Variants in RBFOX1 observed in about 807,000 individuals in gnomAD.
RBFOX1 encodes RNA binding fox-1 homolog 1, also known as RNA binding protein fox-1 homolog 1.
In RBFOX1, 8 loss-of-function variants were observed where a neutral mutation model predicts 57.7. The ratio of observed to expected loss-of-function variants is 0.14; its 90% confidence interval spans 0.08 to 0.25. The LOEUF is 0.25. Among genes scored for constraint, RBFOX1 ranks in the 10% least tolerant of loss-of-function variants. RBFOX1 has a pLI of 1.00. For missense variants in RBFOX1, 611 were observed against 548.5 expected, an observed-to-expected ratio of 1.11 and a Z score of -1.14; for synonymous variants, 326 against 222.4, an observed-to-expected ratio of 1.47 and a Z score of -4.15.
chr16:7,156,564 C>T (rs530574457), intron 4 of RBFOX1, among the ~76,000 whole-genome samples: 1 of 152,018 alleles, frequency 6.6e-6, no homozygotes, highest in South Asian at 2.1e-4. Flanking sequence ...CATATGTGTA[C>T]ATATGTATGC....
intron 4 of RBFOX1, among the ~76,000 whole-genome samples, chr16:5,945,453 G>C (rs2059382613): frequency 6.6e-6 from 1 of 152,220 alleles, no homozygotes; most frequent in African/African-American, 2.4e-5. Context: ...ATCTAGAGAT[G>C]ATAACATCTA....
intron 1 of RBFOX1, among the ~76,000 whole-genome samples, chr16:6,313,000 G>A (rs1412979090): frequency 2.0e-5 from 3 of 152,146 alleles, no homozygotes; most frequent in African/African-American, 7.2e-5. Context: ...AAGAAAGGGT[G>A]ATGGGCTCTT....
At chr16:5,355,894 C>T (rs1379813992) in intron 1 of RBFOX1, among the ~76,000 whole-genome samples, 1 of 152,108 alleles carries the variant, frequency 6.6e-6, no homozygotes, top group East Asian at 1.9e-4. Context: ...AGTTTGAGAC[C>T]AGCCTGGCCA....
At chr16:6,958,182 C>A (rs1332847675) in intron 3 of RBFOX1, among the ~76,000 whole-genome samples, 1 of 152,158 alleles carries the variant, frequency 6.6e-6, no homozygotes, top group Non-Finnish European at 1.5e-5. Flanking sequence ...GGGAGGGCTG[C>A]AAAAGTTGAG....
intron 2 of RBFOX1, among the ~76,000 whole-genome samples, chr16:6,445,387 G>A (rs1416476451): frequency 2.6e-5 from 4 of 151,916 alleles, no homozygotes; most frequent in Non-Finnish European, 5.9e-5. Context: ...TTGCCTTTAT[G>A]CATCTAAAGC....
intron 4 of RBFOX1, among the ~76,000 whole-genome samples, chr16:5,941,060 T>A (rs1249042360): frequency 6.6e-6 from 1 of 152,140 alleles, no homozygotes; most frequent in Non-Finnish European, 1.5e-5. Context: ...AGATGATGCA[T>A]GCAAATCCTG....
Position 6,380,964 on chromosome 16 carries a change from G to A in RBFOX1, c.-64+63907G>A, listed in dbSNP as rs963772799. Among the ~76,000 whole-genome samples, 54 of 152,090 alleles carry A rather than the reference G, an allele frequency of 3.6e-4. 1 individual carries two copies. The highest frequency in any genetic ancestry group is 3.2e-3 in the Middle Eastern group (1 of 316). ...CATTCTGGTGATTGCTTGTCTTGGC[G>A]AGCATCTTCTTTTTAAAATAATCTT... On this transcript the variant is annotated intron_variant, in intron 2 of 15. Coordinates refer to ENST00000550418, the MANE Select transcript of RBFOX1 (RefSeq NM_018723.4).
intron 2 of RBFOX1, among the ~76,000 whole-genome samples, chr16:5,488,806 GTGA>G (rs747631592): frequency 6.6e-6 from 1 of 150,674 alleles, no homozygotes; most frequent in African/African-American, 2.4e-5. Context: ...AAGATTAACA[GTGA>G]TGATGATGAT....
intron 3 of RBFOX1, among the ~76,000 whole-genome samples, chr16:5,617,029 A>T (rs1378249089): frequency 6.6e-6 from 1 of 151,934 alleles, no homozygotes; most frequent in Non-Finnish European, 1.5e-5. Flanking sequence ...CTAGATCATG[A>T]GTCCCAGCTG....
chr16:6,838,090 TGTG>T (rs1226992926), intron 3 of RBFOX1, among the ~76,000 whole-genome samples: 1 of 152,100 alleles, frequency 6.6e-6, no homozygotes, highest in Non-Finnish European at 1.5e-5. Context: ...ATACATGTGT[TGTG>T]GTGGTTTGCT....
intron 3 of RBFOX1, among the ~76,000 whole-genome samples, chr16:5,834,606 A>G (rs964785636): frequency 9.0e-5 from 13 of 143,650 alleles, no homozygotes; most frequent in African/African-American, 3.3e-4. Context: ...AGATAGATAG[A>G]TAGATAGATA....
intron 3 of RBFOX1, among the ~76,000 whole-genome samples, chr16:5,760,593 T>C (rs917403311): frequency 1.3e-5 from 2 of 152,130 alleles, no homozygotes; most frequent in Admixed American, 1.3e-4. Flanking sequence ...AAAGAAGTAC[T>C]GGTATGGATG....
intron 3 of RBFOX1, among the ~76,000 whole-genome samples, chr16:6,831,613 G>C (rs1387708427): frequency 6.6e-6 from 1 of 152,216 alleles, no homozygotes; most frequent in East Asian, 1.9e-4. Flanking sequence ...AGCCAGGGCT[G>C]TGGGAAGTGT....
rs186192558 is a variant in RBFOX1 at position 7,289,821 on chromosome 16, A to T, written c.28-228326A>T. On this transcript the variant is annotated intron_variant, in intron 4 of 15. Transcript: ENST00000550418. ...GTGCTTGTCTCACTTATAAATAAGG[A>T]TCCAAGACTCAGGAAGTTTTAAATA... 2.1e-3 allele frequency among the ~76,000 whole-genome samples: 320 copies of T among 152,288 alleles called. 2 individuals carry two copies. Among genetic ancestry groups the T allele is most frequent in the Admixed American group, 5.4e-3 (82 of 15,290 alleles).
chr16:7,115,449 G>A (rs1310223734), intron 4 of RBFOX1, among the ~76,000 whole-genome samples: 4 of 152,158 alleles, frequency 2.6e-5, no homozygotes, highest in African/African-American at 9.7e-5. Context: ...CCTCATAGTT[G>A]CTGTGGACTG....
chr16:7,304,915 GGTGT>G (rs59599069), intron 4 of RBFOX1, among the ~76,000 whole-genome samples: 5,906 of 140,512 alleles, frequency 0.042, 182 homozygotes, highest in African/African-American at 0.083. Context: ...TGTGTGGTGT[GGTGT>G]GTGTGTGTGT....
chr16:6,320,579 T>C (rs1382629145), intron 2 of RBFOX1, among the ~76,000 whole-genome samples: 2 of 152,148 alleles, frequency 1.3e-5, no homozygotes, highest in Non-Finnish European at 2.9e-5. Flanking sequence ...GTGAAATGAT[T>C]ACCACAATCA....
At chr16:5,553,318 AT>A (rs148430095) in intron 2 of RBFOX1, among the ~76,000 whole-genome samples, 42,911 of 144,768 alleles carry the variant, frequency 0.3, 6,698 homozygotes, top group Non-Finnish European at 0.36. Context: ...ATGTCTGAAT[AT>A]TTTTTTTTTT....
chr16:6,155,319 G>A (rs985185603), intron 1 of RBFOX1, among the ~76,000 whole-genome samples: 28 of 152,192 alleles, frequency 1.8e-4, no homozygotes, highest in African/African-American at 6.8e-4. Context: ...TCAGTGTTCA[G>A]CGCCGTGGAG....
Sources: gnomAD v4.1 joint callset for allele counts (sites outside exome capture counted in the v4.1 genomes callset) on GRCh38, gnomAD v4.1.1 for gene constraint, MANE v1.5 for transcripts, NCBI Gene and HGNC (gene_info 2026-07-23, HGNC 2026-07-21) for gene names.